Variants in ULK4 observed in about 807,000 individuals in gnomAD.
The protein encoded by ULK4 is inactive serine/threonine-protein kinase ULK4.
ULK4 carries 133 observed loss-of-function variants against 160.6 expected under a neutral mutation model. The observed-to-expected ratio is 0.83, with a 90% CI of 0.72 to 0.96. ULK4 has a LOEUF of 0.96. ULK4 is among the 40% of genes least tolerant of loss of function. The probability of loss-of-function intolerance (pLI) is 0.00; values close to 1 mark genes in which losing one functional copy is unlikely to be tolerated. For missense variants in ULK4, 1,580 were observed against 1,499.5 expected (o/e 1.05, Z -0.89); for synonymous variants, 534 against 539.8 (o/e 0.99, Z 0.15).
At chr3:41,328,814 G>A (rs968076456) in intron 35 of ULK4, among the ~76,000 whole-genome samples, 1 of 152,136 alleles carries the variant, frequency 6.6e-6, no homozygotes, top group African/African-American at 2.4e-5. Context: ...GGGTGGGCAC[G>A]TGGTGCTGAA....
intron 34 of ULK4, among the ~76,000 whole-genome samples, chr3:41,445,971 C>T (rs1410514232): frequency 6.6e-6 from 1 of 151,960 alleles, no homozygotes; most frequent in Non-Finnish European, 1.5e-5. Flanking sequence ...TCGCAACCTA[C>T]TCATCTGACA....
At chr3:41,271,548 C>G (rs952949093) in intron 35 of ULK4, among the ~76,000 whole-genome samples, 5 of 152,034 alleles carry the variant, frequency 3.3e-5, no homozygotes, top group African/African-American at 1.2e-4. Flanking sequence ...GCGCCTGCCA[C>G]CACACTCGGC....
rs376987492 is a variant in ULK4, at chr3:41,805,797, C to T, written c.1849-5504G>A. Among the ~76,000 whole-genome samples, 684 of 132,100 alleles carry T rather than the reference C, an allele frequency of 5.2e-3. 4 individuals are homozygous for T. Among genetic ancestry groups the T allele is most frequent in the South Asian group, 0.016 (63 of 4,058 alleles). The allele number at this position is 132,100 out of a possible 152,430, so 86.7% of individuals were successfully genotyped here. On this transcript the variant is annotated intron_variant, in intron 19 of 36. Transcript: ENST00000301831. ...ATGCTGGATTACATTTATTGATTTG[C>T]GTATATTGAACCAGCCTTGCATCCC...
At chr3:41,448,027 C>G (rs768931266) in intron 34 of ULK4, among the ~76,000 whole-genome samples, 1 of 152,216 alleles carries the variant, frequency 6.6e-6, no homozygotes, top group Non-Finnish European at 1.5e-5. Flanking sequence ...CTATGTCTTA[C>G]CAGACTTAGT....
rs894549251 is a variant in ULK4 at position 41,329,353 on chromosome 3, C to G, written c.3678+68726G>C. 3.9e-5 allele frequency among the ~76,000 whole-genome samples: 6 copies of G among 152,214 alleles called. No individual in the cohort carries two copies. In the East Asian group the frequency reaches 1.2e-3, roughly 29 times the overall value. On this transcript the variant is annotated intron_variant, in intron 35 of 36. Transcript: ENST00000301831. ...AGTTTAAAGATTATTATAGTATCCA[C>G]TGCCTCTAGTGATCTCTTTGTATTG...
chr3:41,921,382 C>T (rs767488726), intron 5 of ULK4, among the ~76,000 whole-genome samples: 36 of 151,814 alleles, frequency 2.4e-4, no homozygotes, highest in Admixed American at 1.4e-3. Flanking sequence ...GAGGCCGAGG[C>T]GAGCAGATCA....
rs377104572 is a variant in ULK4 at position 41,455,583 on chromosome 3, C to G, written c.3406G>C (p.Gly1136Arg). The G allele has an allele frequency of 6.2e-7, 1 of 1,613,748 alleles. No individual in the cohort carries two copies. Among genetic ancestry groups the G allele is most frequent in the Non-Finnish European group, 8.5e-7 (1 of 1,179,896 alleles). ...VRLALQAQKS[G>R]SGEDPQAAED... ...GCAGCCTGAGGGTCCTCTCCTGAGCCAGACTTCTGGGCCTGGAACAGAGAG... is the reference window on the plus strand; with the variant it reads ...GCAGCCTGAGGGTCCTCTCCTGAGCGAGACTTCTGGGCCTGGAACAGAGAG... The change falls in exon 34 of 37, where the codon GGC (glycine) becomes CGC (arginine). Residue 1136 changes from glycine (G) to arginine (R), a missense_variant. Transcript: ENST00000301831.
rs990712848 is a variant in ULK4, at chr3:41,520,236, G to T, written c.3226+45789C>A. 2.6e-5 allele frequency among the ~76,000 whole-genome samples: 4 copies of T among 151,892 alleles called. No homozygotes were observed. In the South Asian group the frequency reaches 6.3e-4, roughly 24 times the overall value. ...CCATTCTCCCTCCCCCCAGCCCCTG[G>T]TAACCCCTGTTCTACTTTCAGTCCC... is the stretch of plus-strand genomic sequence containing the variant. On this transcript the variant is annotated intron_variant, in intron 32 of 36. Transcript: ENST00000301831.
In ULK4 at chr3:41,277,400, C is replaced by G. The variant is rs573793662; in HGVS notation, c.3679-27826G>C. ...AACAACATATCAGAAAGATAATCCA[C>G]CATGATCAAGTGGGTTTCATATTAG... On this transcript the variant is annotated intron_variant, in intron 35 of 36. Transcript: ENST00000301831. Among the ~76,000 whole-genome samples the G allele has an allele frequency of 9.3e-4, 142 of 152,286 alleles. 2 individuals are homozygous for G. The highest frequency in any genetic ancestry group is 6.8e-3 in the South Asian group (33 of 4,820).
chr3:41,556,751 T>C (rs2087316655), intron 32 of ULK4, among the ~76,000 whole-genome samples: 1 of 152,032 alleles, frequency 6.6e-6, no homozygotes, highest in African/African-American at 2.4e-5. Context: ...CCTCCAAAAG[T>C]GCTGGGATTA....
In ULK4 at chr3:41,560,526, T is replaced by C. The variant is rs185360979; in HGVS notation, c.3226+5499A>G. On this transcript the variant is annotated intron_variant, in intron 32 of 36. Coordinates refer to ENST00000301831, the MANE Select transcript of ULK4 (RefSeq NM_017886.4). Reference sequence around the variant, plus strand: ...AATGTTTTCCCATTTGTTTGTGTCCTCTTTTACTTCATTGAGCAGTGGTTT... The same window carrying C: ...AATGTTTTCCCATTTGTTTGTGTCCCCTTTTACTTCATTGAGCAGTGGTTT... 1.1e-3 allele frequency among the ~76,000 whole-genome samples: 162 copies of C among 152,364 alleles called. 2 individuals carry two copies. Among genetic ancestry groups the C allele is most frequent in the Non-Finnish European group, 4.6e-4 (31 of 68,038 alleles).
intron 29 of ULK4, among the ~76,000 whole-genome samples, chr3:41,677,773 T>C (rs1194005838): frequency 6.6e-6 from 1 of 152,166 alleles, no homozygotes; most frequent in African/African-American, 2.4e-5. Context: ...ATTTATCAAG[T>C]TACTCAATAA....
At chr3:41,728,092 A>G (rs2037711070) in intron 22 of ULK4, among the ~76,000 whole-genome samples, 1 of 152,200 alleles carries the variant, frequency 6.6e-6, no homozygotes, top group African/African-American at 2.4e-5. Flanking sequence ...TCGGTAGCAC[A>G]TGGAGAGTTG....
rs770893910 is a variant in ULK4 at position 41,725,744 on chromosome 3, A to G, written c.2322-7883T>C. Among the ~76,000 whole-genome samples, 41 of 152,256 alleles carry G rather than the reference A, an allele frequency of 2.7e-4. 1 individual carries two copies. Among genetic ancestry groups the G allele is most frequent in the Non-Finnish European group, 5.3e-4 (36 of 68,006 alleles). On this transcript the variant is annotated intron_variant, in intron 22 of 36. Coordinates refer to ENST00000301831, the MANE Select transcript of ULK4 (RefSeq NM_017886.4). ...ATCTTGTCTCCTCATAGGCCTGACTACTTTCTATTGAGTATTAGACTCTAT... is the reference window on the plus strand; with the variant it reads ...ATCTTGTCTCCTCATAGGCCTGACTGCTTTCTATTGAGTATTAGACTCTAT...
chr3:41,308,540 C>T (rs1242745451), intron 35 of ULK4, among the ~76,000 whole-genome samples: 1 of 151,888 alleles, frequency 6.6e-6, no homozygotes, highest in African/African-American at 2.4e-5. Flanking sequence ...TGAAAGAAAA[C>T]TCCATTTAAA....
intron 18 of ULK4, among the ~76,000 whole-genome samples, chr3:41,831,008 T>G (rs1302676856): frequency 1.4e-5 from 1 of 73,254 alleles, no homozygotes; most frequent in Admixed American, 1.1e-4. Flanking sequence ...GTTTTTATTA[T>G]TTTTTTTATT....
intron 31 of ULK4, among the ~76,000 whole-genome samples, chr3:41,601,691 C>T (rs977135161): frequency 6.6e-6 from 1 of 151,958 alleles, no homozygotes; most frequent in African/African-American, 2.4e-5. Flanking sequence ...CTTATCTTAT[C>T]ATGACAAAAA....
intron 35 of ULK4, among the ~76,000 whole-genome samples, chr3:41,324,867 G>A (rs1464621223): frequency 2.6e-5 from 4 of 152,064 alleles, no homozygotes; most frequent in Admixed American, 6.6e-5. Context: ...TCCAACCAGC[G>A]CCTCATGATA....
intron 31 of ULK4, among the ~76,000 whole-genome samples, chr3:41,609,016 T>C (rs80288081): frequency 0.062 from 9,475 of 152,268 alleles, 436 homozygotes; most frequent in African/African-American, 0.13. Flanking sequence ...GAGCAGAACA[T>C]AGAGCAGAAC....
Sources: allele counts gnomAD v4.1 joint callset (sites outside exome capture counted in the v4.1 genomes callset), GRCh38; gene constraint gnomAD v4.1.1; transcripts MANE v1.5; gene names NCBI Gene and HGNC (gene_info 2026-07-23, HGNC 2026-07-21).